PTPRD: variants seen among roughly 807,000 people sequenced by gnomAD.
PTPRD encodes receptor-type tyrosine-protein phosphatase delta.
In PTPRD, 34 loss-of-function variants were observed where a neutral mutation model predicts 214.5. The ratio of observed to expected loss-of-function variants is 0.16; its 90% confidence interval spans 0.12 to 0.21. PTPRD has a LOEUF of 0.21. Among genes scored for constraint, PTPRD ranks in the 10% least tolerant of loss-of-function variants. PTPRD has a pLI of 1.00. For missense variants in PTPRD, 2,545 were observed against 2,398.7 expected (o/e 1.06, Z -1.27); for synonymous variants, 1,128 against 845.7 (o/e 1.33, Z -5.79).
At chr9:10,018,933 T>G (rs2096785479) in intron 4 of PTPRD, among the ~76,000 whole-genome samples, 1 of 152,168 alleles carries the variant, frequency 6.6e-6, no homozygotes, top group Non-Finnish European at 1.5e-5. Flanking sequence ...AAATGGGATC[T>G]AATTAAACTA....
intron 2 of PTPRD, among the ~76,000 whole-genome samples, chr9:10,373,353 T>C (rs1446627742): frequency 6.6e-6 from 1 of 152,078 alleles, no homozygotes; most frequent in African/African-American, 2.4e-5. Flanking sequence ...CAAGTAACTT[T>C]CCTTGTTCTC....
At position 9,397,447 on chromosome 9, in the gene PTPRD, A is replaced by T. The variant is rs2068335765; in HGVS notation, c.-203+2T>A. ...GACATAAGATGAGCAAAATAAACTTACCACAGTTGTTCAGTTAATGGACAG... is the reference window on the plus strand; with the variant it reads ...GACATAAGATGAGCAAAATAAACTTTCCACAGTTGTTCAGTTAATGGACAG... On this transcript the variant is annotated splice_donor_variant, in intron 9 of 45. Coordinates refer to ENST00000381196, the MANE Select transcript of PTPRD (RefSeq NM_002839.4). LOFTEE classifies it low-confidence loss of function (5UTR_SPLICE). 1 of 152,424 alleles carries T rather than the reference A, an allele frequency of 6.6e-6. No homozygotes were observed. The highest frequency in any genetic ancestry group is 6.6e-5 in the Admixed American group (1 of 15,210). The allele number at this position is 152,424 out of a possible 1,614,324, so 9.4% of individuals were successfully genotyped here.
chr9:10,047,592 A>G (rs1404907270), intron 3 of PTPRD, among the ~76,000 whole-genome samples: 1 of 151,944 alleles, frequency 6.6e-6, no homozygotes, highest in Non-Finnish European at 1.5e-5. Flanking sequence ...TCCCACCTCT[A>G]TGGCTCCAAC....
chr9:9,607,976 G>C (rs1352301551), intron 7 of PTPRD, among the ~76,000 whole-genome samples: 1 of 152,100 alleles, frequency 6.6e-6, no homozygotes, highest in Non-Finnish European at 1.5e-5. Flanking sequence ...AAACAGTCTG[G>C]ATTTGGGAGA....
intron 11 of PTPRD, among the ~76,000 whole-genome samples, chr9:8,753,077 G>A (rs768996786): frequency 6.6e-6 from 1 of 152,174 alleles, no homozygotes; most frequent in Non-Finnish European, 1.5e-5. Context: ...TCTTCTGGCA[G>A]CAACCAACTA....
chr9:8,560,052 A>G (rs2085549553), intron 14 of PTPRD, among the ~76,000 whole-genome samples: 2 of 152,208 alleles, frequency 1.3e-5, no homozygotes, highest in Admixed American at 1.3e-4. Context: ...AGATCGCAGA[A>G]CATCAAGGGA....
chr9:10,455,396 C>A (rs1266784498), intron 2 of PTPRD, among the ~76,000 whole-genome samples: 1 of 151,750 alleles, frequency 6.6e-6, no homozygotes, highest in Non-Finnish European at 1.5e-5. Flanking sequence ...TGGTCCTCAA[C>A]TATCACCTTA....
chr9:9,224,647 C>A lies in PTPRD; in HGVS notation c.-202-41284G>T, dbSNP rs149496076. ...ATTTTTATATCTTTATGACTTACAA[C>A]AACTTAAACTGGCTTACCTAGTTTA... On this transcript the variant is annotated intron_variant, in intron 9 of 45. Coordinates refer to ENST00000381196, the MANE Select transcript of PTPRD (RefSeq NM_002839.4). Among the ~76,000 whole-genome samples, 214 of 152,028 alleles carry A rather than the reference C, an allele frequency of 1.4e-3. 3 individuals are homozygous for A. Among genetic ancestry groups the A allele is most frequent in the African/African-American group, 4.9e-3 (205 of 41,532 alleles).
chr9:9,222,546 T>C (rs1294859304), intron 9 of PTPRD, among the ~76,000 whole-genome samples: 1 of 152,048 alleles, frequency 6.6e-6, no homozygotes, highest in Non-Finnish European at 1.5e-5. Context: ...AGAAAAGTGC[T>C]TAATAAATCA....
At chr9:10,266,789 C>T (rs755424826) in intron 3 of PTPRD, among the ~76,000 whole-genome samples, 1 of 151,940 alleles carries the variant, frequency 6.6e-6, no homozygotes, top group Non-Finnish European at 1.5e-5. Context: ...TGCAACCCAC[C>T]TAGGTTAAAA....
At chr9:9,831,037 T>C (rs1447309147) in intron 5 of PTPRD, among the ~76,000 whole-genome samples, 1 of 151,944 alleles carries the variant, frequency 6.6e-6, no homozygotes, top group African/African-American at 2.4e-5. Flanking sequence ...CTAAATTGCA[T>C]GCATTTTAGC....
chr9:8,536,981 C>G (rs1007766601), intron 14 of PTPRD, among the ~76,000 whole-genome samples: 1 of 151,982 alleles, frequency 6.6e-6, no homozygotes. Context: ...CAAGGACCAC[C>G]ATTTTCTTTC....
intron 12 of PTPRD, among the ~76,000 whole-genome samples, chr9:8,689,124 G>A (rs558972302): frequency 6.6e-6 from 1 of 152,278 alleles, no homozygotes; most frequent in East Asian, 1.9e-4. Context: ...TCACTAAAGT[G>A]ACTCTGAGAA....
intron 11 of PTPRD, among the ~76,000 whole-genome samples, chr9:8,736,927 C>G (rs1000337674): frequency 1.3e-5 from 2 of 152,198 alleles, no homozygotes; most frequent in South Asian, 2.1e-4. Context: ...CCCCTCCTCC[C>G]GCTTTCACTG....
intron 2 of PTPRD, among the ~76,000 whole-genome samples, chr9:10,538,900 A>C (rs187120969): frequency 9.9e-5 from 15 of 152,274 alleles, no homozygotes; most frequent in African/African-American, 3.4e-4. Flanking sequence ...TTATTTTCTC[A>C]GAAGTTTAAG....
intron 7 of PTPRD, among the ~76,000 whole-genome samples, chr9:9,648,897 G>C (rs973186272): frequency 6.6e-6 from 1 of 152,082 alleles, no homozygotes; most frequent in African/African-American, 2.4e-5. Context: ...CTAAGATAAT[G>C]ATCAAGTAAG....
At chr9:9,820,318 C>T (rs555364992) in intron 5 of PTPRD, among the ~76,000 whole-genome samples, 19 of 152,054 alleles carry the variant, frequency 1.2e-4, no homozygotes, top group Non-Finnish European at 2.4e-4. Flanking sequence ...ATATTTTGCC[C>T]ATTTTTAAAA....
intron 7 of PTPRD, among the ~76,000 whole-genome samples, chr9:9,607,810 G>C (rs1363184266): frequency 6.6e-6 from 1 of 151,884 alleles, no homozygotes; most frequent in Middle Eastern, 3.2e-3. Context: ...AGATTCCGAA[G>C]GCTTGCCCCA....
At chr9:10,572,739 T>C (rs576558137) in intron 2 of PTPRD, among the ~76,000 whole-genome samples, 19 of 152,284 alleles carry the variant, frequency 1.2e-4, no homozygotes, top group African/African-American at 4.6e-4. Context: ...AGTAAATGTA[T>C]TGACTCCAGA....
Sources: gnomAD v4.1 joint callset for allele counts (sites outside exome capture counted in the v4.1 genomes callset) on GRCh38, gnomAD v4.1.1 for gene constraint, MANE v1.5 for transcripts, NCBI Gene and HGNC (gene_info 2026-07-23, HGNC 2026-07-21) for gene names.